The following WWC2 variants were observed in gnomAD, a reference collection of about 807,000 sequenced individuals.
WWC2 encodes the protein protein WWC2.
Under a neutral mutation model 138.5 loss-of-function variants are expected in WWC2, and 101 were observed. The observed-to-expected ratio is 0.73, with a 90% CI of 0.62 to 0.86. The LOEUF (loss-of-function observed/expected upper bound fraction) is 0.86, where lower values mean the gene tolerates loss of function less well. Among genes scored for constraint, WWC2 ranks in the 40% least tolerant of loss-of-function variants. WWC2 has a pLI of 0.00. For synonymous variants in WWC2, 558 were observed against 538.4 expected, an observed-to-expected ratio of 1.04 and a Z score of -0.50; for missense variants, 1,420 against 1,419.4, an observed-to-expected ratio of 1.00 and a Z score of -0.01.
At chr4:183,171,699 C>G (rs1007126882) in intron 1 of WWC2, among the ~76,000 whole-genome samples, 2 of 152,186 alleles carry the variant, frequency 1.3e-5, no homozygotes, top group East Asian at 1.9e-4. Context: ...ACCCACTACT[C>G]TCCCCCACAC....
At chr4:183,123,402 GGTGTGT>G (rs67158904) in intron 1 of WWC2, among the ~76,000 whole-genome samples, 4,444 of 147,700 alleles carry the variant, frequency 0.03, 221 homozygotes, top group African/African-American at 0.11. Context: ...GCAAGTTTCA[GGTGTGT>G]GTGTGTGTGT....
intron 16 of WWC2, among the ~76,000 whole-genome samples, chr4:183,272,670 A>T (rs1426427142): frequency 6.6e-6 from 1 of 152,108 alleles, no homozygotes; most frequent in Non-Finnish European, 1.5e-5. Flanking sequence ...CTGTCTCTAA[A>T]TTTGCTTCTT....
intron 1 of WWC2, among the ~76,000 whole-genome samples, chr4:183,105,914 G>T (rs531869419): frequency 6.6e-6 from 1 of 151,710 alleles, no homozygotes; most frequent in East Asian, 1.9e-4. Context: ...AAGAATTTTG[G>T]ACTTCTTTAT....
At chr4:183,188,979 A>T (rs1734903154) in intron 1 of WWC2, among the ~76,000 whole-genome samples, 1 of 151,974 alleles carries the variant, frequency 6.6e-6, no homozygotes, top group Admixed American at 6.6e-5. Flanking sequence ...CATTTAAGCT[A>T]ATTTCCTCAC....
intron 4 of WWC2, among the ~76,000 whole-genome samples, chr4:183,209,378 C>G (rs573887393): frequency 6.6e-6 from 1 of 152,164 alleles, no homozygotes; most frequent in Admixed American, 6.5e-5. Context: ...CAGGCGCGTG[C>G]CACTATGCAC....
chr4:183,126,293 C>T (rs1015286356), intron 1 of WWC2, among the ~76,000 whole-genome samples: 4 of 152,196 alleles, frequency 2.6e-5, no homozygotes, highest in African/African-American at 9.7e-5. Flanking sequence ...CAGTGTTTCT[C>T]TTCCTGGATT....
At chr4:183,115,028 C>G (rs1252946986) in intron 1 of WWC2, among the ~76,000 whole-genome samples, 1 of 152,166 alleles carries the variant, frequency 6.6e-6, no homozygotes, top group Non-Finnish European at 1.5e-5. Context: ...CTCCTCCCAC[C>G]TTCCACTCTC....
intron 11 of WWC2, among the ~76,000 whole-genome samples, chr4:183,264,265 C>A (rs555524863): frequency 6.6e-6 from 1 of 152,270 alleles, no homozygotes; most frequent in African/African-American, 2.4e-5. Context: ...CAGATCCCTG[C>A]GCTCACTCTC....
At chr4:183,143,807 C>T (rs973079255) in intron 1 of WWC2, among the ~76,000 whole-genome samples, 1 of 151,080 alleles carries the variant, frequency 6.6e-6, no homozygotes, top group African/African-American at 2.5e-5. Flanking sequence ...GACCCTGTCT[C>T]ACCTCCTCCC....
chr4:183,132,614 C>G (rs1319401887), intron 1 of WWC2, among the ~76,000 whole-genome samples: 2 of 151,798 alleles, frequency 1.3e-5, no homozygotes, highest in Admixed American at 6.6e-5. Context: ...CTACCACGCC[C>G]GGCTAATTTT....
intron 20 of WWC2, 30 bp downstream of exon 20, chr4:183,286,089 T>C: frequency 6.5e-7 from 1 of 1,541,484 alleles, no homozygotes; most frequent in Non-Finnish European, 8.8e-7. Context: ...CGTCCCACTG[T>C]CCCTGGACCA....
rs761340767 is a variant in WWC2, at chr4:183,265,939, A to G, written c.2195A>G (p.His732Arg). The G allele has an allele frequency of 6.2e-7, 1 of 1,612,038 alleles. No homozygotes were observed. The highest frequency in any genetic ancestry group is 8.5e-7 in the Non-Finnish European group (1 of 1,179,002). The change falls in exon 14 of 23, where the codon CAT becomes CGT. Residue 732 changes from histidine to arginine, a missense_variant. Transcript: ENST00000403733. ...AACCTTCATGCCTTCTTGATACCTC[A>G]TACTTCAAAAGTGTAAGTAAAATCA... ...LRNLHAFLIP[H>R]TSKVYFRVAV... is the part of the protein sequence containing the mutation.
chr4:183,133,925 A>C (rs1733027805), intron 1 of WWC2, among the ~76,000 whole-genome samples: 2 of 152,272 alleles, frequency 1.3e-5, no homozygotes, highest in African/African-American at 4.8e-5. Flanking sequence ...TGGTTGAACA[A>C]GCCCATAAAA....
At chr4:183,117,726 T>C (rs1378750315) in intron 1 of WWC2, among the ~76,000 whole-genome samples, 1 of 150,908 alleles carries the variant, frequency 6.6e-6, no homozygotes, top group Non-Finnish European at 1.5e-5. Flanking sequence ...TGCCTCAGCC[T>C]CCCAGAGTGC....
In WWC2 at chr4:183,280,773, C is replaced by T. The variant is rs1422108145; in HGVS notation, c.2563-3C>T. ...TAATTGCCGTATGCTTTACATTCTTCAGGATGCAGTGTCAGCCTTACTTGC... is the reference window on the plus strand; with the variant it reads ...TAATTGCCGTATGCTTTACATTCTTTAGGATGCAGTGTCAGCCTTACTTGC... On this transcript the variant is annotated splice_region_variant and splice_polypyrimidine_tract_variant and intron_variant, in intron 16 of 22. Transcript: ENST00000403733. 4 of 1,601,552 alleles carry T rather than the reference C, an allele frequency of 2.5e-6. No individual in the cohort carries two copies. The highest frequency in any genetic ancestry group is 2.6e-6 in the Non-Finnish European group (3 of 1,173,892).
rs1739419834 is a variant in WWC2 at position 183,315,844 on chromosome 4, A to C, written c.*115A>C. The stretch of plus-strand genomic sequence containing the variant: ...GTTTTTTTTGGTAACGTAACTGTCA[A>C]CTCTTGAAGAACTTTTATTTCACAT... On this transcript the variant is annotated 3_prime_UTR_variant, in exon 23 of 23. Transcript: ENST00000403733. 1 of 691,658 alleles carries C rather than the reference A, an allele frequency of 1.4e-6. No individual in the cohort carries two copies. The highest frequency in any genetic ancestry group is 2.1e-5 in the South Asian group (1 of 47,274). 42.8% of individuals were successfully genotyped at this position (691,658 alleles called of 1,614,324 possible).
In WWC2 at chr4:183,253,743, CT is replaced by C. The variant is rs111846382; in HGVS notation, c.954-3del. On this transcript the variant is annotated splice_polypyrimidine_tract_variant and intron_variant, in intron 8 of 22. Coordinates refer to ENST00000403733, the MANE Select transcript of WWC2 (RefSeq NM_024949.6). ...TTAAGTATGTGCATACCTCTTCTATCTTTTTTTTTTTAGTATGGCCAACTTA... is the reference window on the plus strand; with the variant it reads ...TTAAGTATGTGCATACCTCTTCTATCTTTTTTTTTTAGTATGGCCAACTTA... 57,427 of 877,600 alleles carry C rather than the reference CT, an allele frequency of 0.065. 2,469 individuals are homozygous for C. The highest frequency in any genetic ancestry group is 0.31 in the African/African-American group (19,659 of 64,354). 54.4% of individuals were successfully genotyped at this position (877,600 alleles called of 1,614,324 possible). A position where few individuals can be genotyped will look rare whatever the true frequency, so the allele number is the denominator to read the frequency against.
chr4:183,255,043 A>T (rs1043876987), intron 9 of WWC2, among the ~76,000 whole-genome samples: 2 of 152,238 alleles, frequency 1.3e-5, no homozygotes, highest in Admixed American at 1.3e-4. Flanking sequence ...CCCAACGTTA[A>T]CCGTTTTAGG....
At chr4:183,310,804 G>A (rs1408623688) in intron 21 of WWC2, among the ~76,000 whole-genome samples, 1 of 125,056 alleles carries the variant, frequency 8.0e-6, no homozygotes, top group African/African-American at 3.1e-5. Context: ...CTATAACCCT[G>A]CCTCCTAGTA....
Sources: gnomAD v4.1 joint callset for allele counts (sites outside exome capture counted in the v4.1 genomes callset) on GRCh38, gnomAD v4.1.1 for gene constraint, MANE v1.5 for transcripts, NCBI Gene and HGNC (gene_info 2026-07-23, HGNC 2026-07-21) for gene names.